Variants in B3GALT1 observed in about 807,000 individuals in gnomAD.
The protein encoded by B3GALT1 is beta-1,3-galactosyltransferase 1, also known as UDP-Gal:betaGlcNAc beta 1,3-galactosyltransferase, polypeptide 1.
B3GALT1 carries 10 observed loss-of-function variants against 23.2 expected under a neutral mutation model. The ratio of observed to expected loss-of-function variants is 0.43; its 90% CI spans 0.27 to 0.73. The LOEUF is 0.73. B3GALT1 is among the 30% of genes least tolerant of loss of function. B3GALT1 has a pLI of 0.21. For synonymous variants in B3GALT1, 156 were observed against 141.5 expected (o/e 1.10, Z -0.73); for missense variants, 299 against 405.4 (o/e 0.74, Z 2.25).
chr2:167,529,198 C>T (rs1683275215), intron 2 of B3GALT1, among the ~76,000 whole-genome samples: 1 of 152,064 alleles, frequency 6.6e-6, no homozygotes, highest in African/African-American at 2.4e-5. Context: ...GGTTTTCCTC[C>T]TATCTCACCA....
intron 3 of B3GALT1, among the ~76,000 whole-genome samples, chr2:167,693,108 T>TAAG (rs1686739236): frequency 6.6e-6 from 1 of 151,892 alleles, no homozygotes; most frequent in Admixed American, 6.6e-5. Context: ...GAGATGTTGG[T>TAAG]AAGCCAAATG....
At position 167,439,692 on chromosome 2, in the gene B3GALT1, T is replaced by A. The variant is rs76617249; in HGVS notation, c.-510-50485T>A. 5.5e-3 allele frequency among the ~76,000 whole-genome samples: 831 copies of A among 152,270 alleles called. 9 individuals are homozygous for A. Among genetic ancestry groups the A allele is most frequent in the African/African-American group, 0.019 (797 of 41,562 alleles). ...AAATTATCATTAAGTTTTCAATAGA[T>A]GTATTTAAATACAAATTTTGCTATT... On this transcript the variant is annotated intron_variant, in intron 1 of 4. Transcript: ENST00000392690.
intron 1 of B3GALT1, among the ~76,000 whole-genome samples, chr2:167,335,391 G>A (rs891245520): frequency 2.6e-5 from 4 of 152,086 alleles, no homozygotes; most frequent in African/African-American, 9.7e-5. Flanking sequence ...TTGTTTTAAC[G>A]GAGGTGATTC....
chr2:167,505,340 G>T (rs1194933598), intron 2 of B3GALT1, among the ~76,000 whole-genome samples: 1 of 152,112 alleles, frequency 6.6e-6, no homozygotes, highest in African/African-American at 2.4e-5. Flanking sequence ...AGGAACAAAA[G>T]AAAGGAGTAT....
intron 1 of B3GALT1, among the ~76,000 whole-genome samples, chr2:167,401,896 A>G (rs1052667907): frequency 6.6e-6 from 1 of 152,166 alleles, no homozygotes; most frequent in Non-Finnish European, 1.5e-5. Context: ...TTAACTAAGG[A>G]AGATTATTTA....
intron 3 of B3GALT1, among the ~76,000 whole-genome samples, chr2:167,652,052 C>T (rs572458273): frequency 6.6e-6 from 1 of 152,246 alleles, no homozygotes; most frequent in East Asian, 1.9e-4. Context: ...CCACAAGAGC[C>T]ACCCCAGGGG....
chr2:167,753,288 C>T (rs1021787191), intron 3 of B3GALT1, among the ~76,000 whole-genome samples: 2 of 152,190 alleles, frequency 1.3e-5, no homozygotes, highest in African/African-American at 2.4e-5. Context: ...TGCCCCTTAG[C>T]GGAAACTGTG....
chr2:167,662,927 G>C (rs1321582957), intron 3 of B3GALT1, among the ~76,000 whole-genome samples: 1 of 145,932 alleles, frequency 6.9e-6, no homozygotes, highest in African/African-American at 2.4e-5. Context: ...CTGCATTAAT[G>C]TCACTTTCTT....
intron 3 of B3GALT1, among the ~76,000 whole-genome samples, chr2:167,747,312 G>A (rs567432646): frequency 3.9e-4 from 60 of 152,250 alleles, no homozygotes; most frequent in Middle Eastern, 6.8e-3. Context: ...TTGGATTAGG[G>A]CATTGCCCCT....
intron 3 of B3GALT1, among the ~76,000 whole-genome samples, chr2:167,816,206 A>C (rs6747404): frequency 6.6e-6 from 1 of 152,176 alleles, no homozygotes; most frequent in South Asian, 2.1e-4. Context: ...ATTTGCATGT[A>C]TATGTTTTCT....
chr2:167,365,175 G>T (rs1574050143), intron 1 of B3GALT1, among the ~76,000 whole-genome samples: 1 of 152,146 alleles, frequency 6.6e-6, no homozygotes, highest in East Asian at 1.9e-4. Flanking sequence ...TTACAGTCAA[G>T]GATATGGAAC....
Position 167,442,993 on chromosome 2 carries a change from G to A in B3GALT1, c.-510-47184G>A, listed in dbSNP as rs529402493. On this transcript the variant is annotated intron_variant, in intron 1 of 4. Transcript: ENST00000392690. ...GGTAATGCCTAGGTTTTCTTCTAGGGTTTTTATGGTTTTAGGTCTAAGTTT... is the reference window on the plus strand; with the variant it reads ...GGTAATGCCTAGGTTTTCTTCTAGGATTTTTATGGTTTTAGGTCTAAGTTT... 5.1e-4 allele frequency among the ~76,000 whole-genome samples: 78 copies of A among 151,664 alleles called. 1 individual carries two copies. The highest frequency in any genetic ancestry group is 1.8e-3 in the African/African-American group (73 of 41,226).
chr2:167,554,336 T>A (rs1683805880), intron 2 of B3GALT1, among the ~76,000 whole-genome samples: 1 of 152,190 alleles, frequency 6.6e-6, no homozygotes, highest in South Asian at 2.1e-4. Flanking sequence ...AATTTGTACA[T>A]CTCCTTCTAT....
intron 3 of B3GALT1, among the ~76,000 whole-genome samples, chr2:167,727,530 C>T (rs1687337948): frequency 1.3e-5 from 2 of 152,144 alleles, no homozygotes; most frequent in South Asian, 2.1e-4. Context: ...ACCCATTCAC[C>T]ACATTCCAGC....
intron 1 of B3GALT1, among the ~76,000 whole-genome samples, chr2:167,362,952 T>C (rs983373719): frequency 6.6e-6 from 1 of 151,910 alleles, no homozygotes; most frequent in African/African-American, 2.4e-5. Context: ...GCCACACGGG[T>C]TCAGGTGATT....
chr2:167,666,901 TC>T (rs1190309102), intron 3 of B3GALT1, among the ~76,000 whole-genome samples: 2 of 152,232 alleles, frequency 1.3e-5, no homozygotes, highest in Non-Finnish European at 2.9e-5. Flanking sequence ...TGACTCTTTA[TC>T]CAATTTGCCA....
chr2:167,707,507 ATT>A (rs5836158), intron 3 of B3GALT1, among the ~76,000 whole-genome samples: 2 of 150,672 alleles, frequency 1.3e-5, no homozygotes, highest in East Asian at 2.0e-4. Context: ...TATTTTTCTT[ATT>A]TTTTTTTTCC....
intron 1 of B3GALT1, among the ~76,000 whole-genome samples, chr2:167,443,288 T>G (rs1380658869): frequency 2.6e-5 from 4 of 152,206 alleles, no homozygotes; most frequent in Non-Finnish European, 5.9e-5. Flanking sequence ...CCTTGTAGTA[T>G]AGTTTGAAGT....
chr2:167,400,515 G>A (rs1245317341), intron 1 of B3GALT1, among the ~76,000 whole-genome samples: 3 of 151,950 alleles, frequency 2.0e-5, no homozygotes, highest in Non-Finnish European at 4.4e-5. Flanking sequence ...TGCTTTGCCA[G>A]CTGAATCTCT....
Sources: allele counts gnomAD v4.1 joint callset (sites outside exome capture counted in the v4.1 genomes callset), GRCh38; gene constraint gnomAD v4.1.1; transcripts MANE v1.5; gene names NCBI Gene and HGNC (gene_info 2026-07-23, HGNC 2026-07-21).